The following CNBD1 variants were observed in gnomAD, a reference collection of about 807,000 sequenced individuals.
The protein encoded by CNBD1 is cyclic nucleotide-binding domain-containing protein 1.
In CNBD1, 71 loss-of-function variants were observed where a neutral mutation model predicts 54.4. The ratio of observed to expected loss-of-function variants is 1.30; its 90% CI spans 1.08 to 1.59. The LOEUF is 1.59. Among genes scored for constraint, CNBD1 ranks in the 40% most tolerant of loss-of-function variants. The probability of loss-of-function intolerance (pLI) is 0.00; values close to 1 mark genes in which losing one functional copy is unlikely to be tolerated. For missense variants in CNBD1, 659 were observed against 518.0 expected (o/e 1.27, Z -2.64); for synonymous variants, 182 against 170.7 (o/e 1.07, Z -0.51).
intron 8 of CNBD1, among the ~76,000 whole-genome samples, chr8:87,338,911 A>G (rs1306870220): frequency 1.3e-5 from 2 of 152,066 alleles, no homozygotes; most frequent in Admixed American, 6.5e-5. Flanking sequence ...TCTTAATCCT[A>G]TACTCAGACC....
At chr8:86,926,989 G>A (rs920952154) in intron 3 of CNBD1, among the ~76,000 whole-genome samples, 5 of 152,176 alleles carry the variant, frequency 3.3e-5, no homozygotes, top group African/African-American at 1.2e-4. Flanking sequence ...TGTCAATGTT[G>A]GGACTTAGGA....
chr8:87,224,557 G>A (rs1168298035), intron 5 of CNBD1, among the ~76,000 whole-genome samples: 2,710 of 146,476 alleles, frequency 0.019, 79 homozygotes, highest in African/African-American at 0.063. Context: ...AGTTGTAGAT[G>A]TGCGGTGTTA....
At chr8:87,027,164 A>G (rs969418613) in intron 4 of CNBD1, among the ~76,000 whole-genome samples, 6 of 142,266 alleles carry the variant, frequency 4.2e-5, no homozygotes, top group African/African-American at 1.6e-4. Flanking sequence ...TAGTAATACA[A>G]ACTCACCAGT....
At chr8:87,094,803 C>T (rs1387304336) in intron 4 of CNBD1, among the ~76,000 whole-genome samples, 2 of 152,110 alleles carry the variant, frequency 1.3e-5, no homozygotes, top group Non-Finnish European at 2.9e-5. Context: ...TTTGGGAGGC[C>T]GAGGCAGGTG....
At chr8:87,148,228 T>C (rs1465098122) in intron 4 of CNBD1, among the ~76,000 whole-genome samples, 1 of 152,206 alleles carries the variant, frequency 6.6e-6, no homozygotes, top group Non-Finnish European at 1.5e-5. Flanking sequence ...TATTCTCTTT[T>C]TCTGTTTCCT....
intron 4 of CNBD1, among the ~76,000 whole-genome samples, chr8:87,132,950 T>G (rs1379736226): frequency 2.0e-5 from 3 of 151,434 alleles, no homozygotes; most frequent in Non-Finnish European, 4.4e-5. Flanking sequence ...CAATCTTTTT[T>G]CTGCTTTCTC....
chr8:87,381,370 C>T (rs1315532337), intron 10 of CNBD1, among the ~76,000 whole-genome samples: 1 of 151,854 alleles, frequency 6.6e-6, no homozygotes, highest in Non-Finnish European at 1.5e-5. Context: ...TATTTAAAAA[C>T]ACAAAAGAGA....
chr8:87,284,864 C>A, intron 7 of CNBD1, 49 bp downstream of exon 7: 1 of 1,328,544 alleles, frequency 7.5e-7, no homozygotes. Context: ...GGCATAAACT[C>A]AAGCTACATT....
intron 4 of CNBD1, among the ~76,000 whole-genome samples, chr8:87,119,824 A>G (rs1811854097): frequency 6.6e-6 from 1 of 151,994 alleles, no homozygotes; most frequent in Non-Finnish European, 1.5e-5. Context: ...CTTTTTCTTT[A>G]TCTATTGAGA....
Position 87,195,341 on chromosome 8 carries a change from G to T in CNBD1, c.432-10652G>T, listed in dbSNP as rs147339304. Among the ~76,000 whole-genome samples, 1,222 of 148,124 alleles carry T rather than the reference G, an allele frequency of 8.2e-3. 28 individuals are homozygous for T. Among genetic ancestry groups the T allele is most frequent in the African/African-American group, 0.024 (951 of 39,982 alleles). ...CCTCCCAGGTTCGAGTGATTCTTCTGCCTCAGCCTCCCAAATAACTGGGAT... is the reference window on the plus strand; with the variant it reads ...CCTCCCAGGTTCGAGTGATTCTTCTTCCTCAGCCTCCCAAATAACTGGGAT... On this transcript the variant is annotated intron_variant, in intron 4 of 10. Coordinates refer to ENST00000518476, the MANE Select transcript of CNBD1 (RefSeq NM_173538.3).
chr8:87,376,410 C>T (rs1810937770), intron 10 of CNBD1, among the ~76,000 whole-genome samples: 1 of 151,766 alleles, frequency 6.6e-6, no homozygotes, highest in African/African-American at 2.4e-5. Context: ...CAGAAGAAAC[C>T]TACTAATACC....
At chr8:87,297,809 A>G (rs1563542020) in intron 8 of CNBD1, among the ~76,000 whole-genome samples, 1 of 151,976 alleles carries the variant, frequency 6.6e-6, no homozygotes, top group Non-Finnish European at 1.5e-5. Flanking sequence ...AAATCTGTTG[A>G]GATACCAGGA....
intron 4 of CNBD1, among the ~76,000 whole-genome samples, chr8:87,120,977 G>A (rs1811878012): frequency 6.6e-6 from 1 of 151,912 alleles, no homozygotes; most frequent in Admixed American, 6.6e-5. Context: ...TATAAGATTT[G>A]TGTTAATTGT....
At chr8:87,226,826 T>C (rs561012792) in intron 5 of CNBD1, among the ~76,000 whole-genome samples, 4 of 151,530 alleles carry the variant, frequency 2.6e-5, no homozygotes, top group Admixed American at 2.6e-4. Flanking sequence ...ATCTGTCTAA[T>C]GTTGACAGTG....
At chr8:87,409,065 A>G (rs1586084596) in intron 2 of CNBD1, among the ~76,000 whole-genome samples, 2 of 152,292 alleles carry the variant, frequency 1.3e-5, no homozygotes, top group South Asian at 4.1e-4. Context: ...CTTTAAATCA[A>G]AATGTAGAAA....
At position 87,015,977 on chromosome 8, in the gene CNBD1, C is replaced by CAAA. The variant is rs58453987; in HGVS notation, c.431+76246_431+76248dup. On this transcript the variant is annotated intron_variant, in intron 4 of 10. Transcript: ENST00000518476. ...CCTGGGAAATAGTGAGAATCCGTCT[C>CAAA]AAAAAAAAAAAAAAAAAAAAAAAAA... Among the ~76,000 whole-genome samples, 181 of 55,866 alleles carry CAAA rather than the reference C, an allele frequency of 3.2e-3. 1 individual carries two copies. The highest frequency in any genetic ancestry group is 7.7e-3 in the African/African-American group (111 of 14,408). The allele number at this position is 55,866 out of a possible 152,430, so 36.7% of individuals were successfully genotyped here.
At chr8:87,059,808 G>A (rs1485968692) in intron 4 of CNBD1, among the ~76,000 whole-genome samples, 3 of 152,196 alleles carry the variant, frequency 2.0e-5, no homozygotes, top group African/African-American at 7.2e-5. Context: ...ACATGGCAGT[G>A]CACTGTTGGT....
At chr8:86,873,665 C>G (rs1808473243) in intron 1 of CNBD1, among the ~76,000 whole-genome samples, 1 of 151,888 alleles carries the variant, frequency 6.6e-6, no homozygotes, top group Non-Finnish European at 1.5e-5. Flanking sequence ...AAATCTTCCC[C>G]TTGAATTTAT....
chr8:87,031,830 C>A (rs1216523875), intron 4 of CNBD1, among the ~76,000 whole-genome samples: 1 of 152,060 alleles, frequency 6.6e-6, no homozygotes, highest in Admixed American at 6.6e-5. Context: ...AAACTCCACC[C>A]CCCAGGTTCA....
Sources: gnomAD v4.1 joint callset for allele counts (sites outside exome capture counted in the v4.1 genomes callset) on GRCh38, gnomAD v4.1.1 for gene constraint, MANE v1.5 for transcripts, NCBI Gene and HGNC (gene_info 2026-07-23, HGNC 2026-07-21) for gene names.